The following TTC34 variants were observed in gnomAD, a reference collection of about 807,000 sequenced individuals.
The protein encoded by TTC34 is tetratricopeptide repeat domain 34.
Under a neutral mutation model 40.7 loss-of-function variants are expected in TTC34, and 44 were observed. The observed-to-expected ratio is 1.08, with a 90% confidence interval of 0.85 to 1.39. The LOEUF (loss-of-function observed/expected upper bound fraction) is 1.39, where lower values mean the gene tolerates loss of function less well. Ranked by LOEUF, TTC34 falls within the 40% of genes most tolerant of loss-of-function variation. The pLI, the probability that TTC34 is intolerant of heterozygous loss-of-function variation, is 0.00. For synonymous variants in TTC34, 422 were observed against 398.6 expected (o/e 1.06, Z -0.70); for missense variants, 884 against 838.0 (o/e 1.05, Z -0.68).
At chr1:2,749,621 A>T (rs1386080780) in intron 6 of TTC34, among the ~76,000 whole-genome samples, 1 of 109,998 alleles carries the variant, frequency 9.1e-6, no homozygotes, top group Non-Finnish European at 1.7e-5. Context: ...TGTGCATGTG[A>T]TGGTCTGGAG....
intron 6 of TTC34, among the ~76,000 whole-genome samples, chr1:2,656,369 C>CG (rs1557589947): frequency 3.0e-5 from 3 of 101,346 alleles, no homozygotes; most frequent in African/African-American, 4.1e-5. Context: ...TGGAACAGCA[C>CG]CCACACCCAC....
Position 2,752,883 on chromosome 1 carries a change from C to A in TTC34, c.2226+30726G>T, listed in dbSNP as rs1215003699. ...CAGGCGAGCATCTGATGGCCTGGAA[C>A]GGCACCCACACCCCCAGGTGAGCAT... On this transcript the variant is annotated intron_variant, in intron 6 of 8. Transcript: ENST00000401095. Among the ~76,000 whole-genome samples the A allele has an allele frequency of 1.5e-3, 103 of 70,104 alleles. 6 individuals carry two copies. Among genetic ancestry groups the A allele is most frequent in the African/African-American group, 6.0e-3 (100 of 16,736 alleles). 46.0% of individuals were successfully genotyped at this position (70,104 alleles called of 152,430 possible). A position where few individuals can be genotyped will look rare whatever the true frequency, so the allele number is the denominator to read the frequency against.
chr1:2,775,613 G>A lies in TTC34; in HGVS notation c.2226+7996C>T, dbSNP rs181575371. ...CCCCACTCACAGGTGATGTGACTGC[G>A]TGGAACAGCACATCCCCTCAGGTGA... On this transcript the variant is annotated intron_variant, in intron 6 of 8. Transcript: ENST00000401095. 178 of 148,862 alleles carry A rather than the reference G, an allele frequency of 1.2e-3. 2 individuals are homozygous for A. Among genetic ancestry groups the A allele is most frequent in the Middle Eastern group, 3.4e-3 (1 of 292 alleles). 9.2% of individuals were successfully genotyped at this position (148,862 alleles called of 1,614,324 possible).
At chr1:2,748,206 G>A (rs1641211688) in intron 6 of TTC34, among the ~76,000 whole-genome samples, 1 of 91,154 alleles carries the variant, frequency 1.1e-5, no homozygotes, top group Non-Finnish European at 2.0e-5. Context: ...AGAACCCCAG[G>A]CGAGCATCTG....
intron 6 of TTC34, among the ~76,000 whole-genome samples, chr1:2,752,180 G>A (rs1424006945): frequency 5.0e-5 from 6 of 118,898 alleles, no homozygotes; most frequent in African/African-American, 1.5e-4. Flanking sequence ...CAACAGGTGA[G>A]CATCTGACAG....
exon 9 of TTC34, chr1:2,641,018 G>A (rs1408329159): frequency 5.5e-6 from 1 of 182,722 alleles, no homozygotes; most frequent in Non-Finnish European, 1.0e-5. Flanking sequence ...AGCGGGGTGT[G>A]GGGAGGGCAG....
rs1402355995 is a variant in TTC34, at chr1:2,790,090, GC to G, written c.1040del (p.Gly347AlafsTer8). ...GGGTTACCGGGGCCAGCAGCTCGCGGCCCGCATCCTCGCGGAGCTCAGGGTG... is the reference window on the plus strand; with the variant it reads ...GGGTTACCGGGGCCAGCAGCTCGCGGCCGCATCCTCGCGGAGCTCAGGGTG... On this transcript the variant is annotated frameshift_variant, in exon 3 of 9. Transcript: ENST00000401095. LOFTEE classifies it high-confidence loss of function. The G allele has an allele frequency of 2.5e-6, 1 of 397,960 alleles. No individual in the cohort carries two copies. Among genetic ancestry groups the G allele is most frequent in the African/African-American group, 2.1e-5 (1 of 48,608 alleles). The allele number at this position is 397,960 out of a possible 1,614,324, so 24.7% of individuals were successfully genotyped here. A position where few individuals can be genotyped will look rare whatever the true frequency, so the allele number is the denominator to read the frequency against.
intron 6 of TTC34, among the ~76,000 whole-genome samples, chr1:2,681,136 AC>A (rs1640053080): frequency 5.7e-5 from 5 of 88,310 alleles, no homozygotes; most frequent in Admixed American, 4.2e-4. Context: ...GTGGAGCAGC[AC>A]CCACAGCCCA....
chr1:2,755,981 T>A (rs1641492310), intron 6 of TTC34, among the ~76,000 whole-genome samples: 2 of 55,188 alleles, frequency 3.6e-5, no homozygotes, highest in Non-Finnish European at 6.0e-5. Flanking sequence ...AACAGCACCC[T>A]GCAACCCAGG....
chr1:2,694,954 C>A (rs551319444), intron 6 of TTC34, among the ~76,000 whole-genome samples: 4 of 150,754 alleles, frequency 2.7e-5, no homozygotes, highest in East Asian at 1.9e-4. Context: ...ACCCACACCC[C>A]CAGGTGAGCA....
chr1:2,752,803 A>G (rs1641367981), intron 6 of TTC34, among the ~76,000 whole-genome samples: 4 of 128,320 alleles, frequency 3.1e-5, no homozygotes, highest in Admixed American at 7.8e-5. Context: ...AGCCTGGAAC[A>G]GCTCCCTGCA....
chr1:2,779,911 C>A (rs946346064), intron 6 of TTC34, among the ~76,000 whole-genome samples: 1 of 152,030 alleles, frequency 6.6e-6, no homozygotes, highest in Non-Finnish European at 1.5e-5. Flanking sequence ...AAGTCCTTTG[C>A]TCATTTTTTT....
At chr1:2,684,931 T>A (rs1425374799) in intron 6 of TTC34, among the ~76,000 whole-genome samples, 4 of 128,120 alleles carry the variant, frequency 3.1e-5, no homozygotes, top group African/African-American at 1.0e-4. Context: ...CAGGTGAGCA[T>A]CCGACAGCCT....
intron 6 of TTC34, among the ~76,000 whole-genome samples, chr1:2,760,259 A>T (rs1641653951): frequency 1.3e-5 from 1 of 75,510 alleles, no homozygotes; most frequent in Non-Finnish European, 2.4e-5. Flanking sequence ...CGAGCATCTG[A>T]CCGCATGGAG....
At chr1:2,753,464 T>C (rs1359514019) in intron 6 of TTC34, among the ~76,000 whole-genome samples, 4 of 83,164 alleles carry the variant, frequency 4.8e-5, no homozygotes, top group African/African-American at 7.2e-5. Context: ...CACCCCCAGG[T>C]GTGCACGTGA....
rs1177690163 is a variant in TTC34 at position 2,749,518 on chromosome 1, C to A, written c.2226+34091G>T. On this transcript the variant is annotated intron_variant, in intron 6 of 8. Transcript: ENST00000401095. ...AGCATTGGACAGCCTGGAGCAGCACCCAGATTCCCAGGCAAGCATCTGAAC... is the reference window on the plus strand; with the variant it reads ...AGCATTGGACAGCCTGGAGCAGCACACAGATTCCCAGGCAAGCATCTGAAC... Among the ~76,000 whole-genome samples the A allele has an allele frequency of 9.7e-4, 77 of 79,232 alleles. 15 individuals carry two copies. The highest frequency in any genetic ancestry group is 1.3e-3 in the Non-Finnish European group (56 of 44,490). 52.0% of individuals were successfully genotyped at this position (79,232 alleles called of 152,430 possible).
At chr1:2,791,145 A>G (rs114731419) in intron 2 of TTC34, among the ~76,000 whole-genome samples, 9,603 of 110,352 alleles carry the variant, frequency 0.087, 667 homozygotes, top group African/African-American at 0.21. Flanking sequence ...CCTGCCCCCC[A>G]CCCCAGTGTG....
chr1:2,764,782 AC>A (rs1253344319), intron 6 of TTC34, among the ~76,000 whole-genome samples: 132 of 62,166 alleles, frequency 2.1e-3, no homozygotes, highest in African/African-American at 6.4e-3. Context: ...GAATTCTCAA[AC>A]CCCAGGTGAG....
At chr1:2,753,016 T>C (rs1272423029) in intron 6 of TTC34, among the ~76,000 whole-genome samples, 391 of 26,830 alleles carry the variant, frequency 0.015, no homozygotes, top group African/African-American at 0.025. Flanking sequence ...CATCCTCACC[T>C]CCAGGTGAGC....
Sources: gnomAD v4.1 joint callset for allele counts (sites outside exome capture counted in the v4.1 genomes callset) on GRCh38, gnomAD v4.1.1 for gene constraint, MANE v1.5 for transcripts, NCBI Gene and HGNC (gene_info 2026-07-23, HGNC 2026-07-21) for gene names.